WWOX: variants seen among roughly 807,000 people sequenced by gnomAD.
The protein encoded by WWOX is WW domain containing oxidoreductase.
WWOX carries 69 observed loss-of-function variants against 46.2 expected under a neutral mutation model. That is an observed-to-expected ratio of 1.49 (90% CI 1.23 to 1.82). WWOX has a LOEUF of 1.82. Ranked by LOEUF, WWOX falls within the 40% of genes most tolerant of loss-of-function variation. WWOX has a pLI of 0.00. For missense variants in WWOX, 919 were observed against 542.6 expected (o/e 1.69, Z -6.89); for synonymous variants, 359 against 202.6 (o/e 1.77, Z -6.56).
chr16:78,382,251 A>C (rs1461082396), intron 5 of WWOX, among the ~76,000 whole-genome samples: 1 of 152,186 alleles, frequency 6.6e-6, no homozygotes, highest in Non-Finnish European at 1.5e-5. Flanking sequence ...AGGCACAGCC[A>C]CATGACTTTG....
intron 8 of WWOX, among the ~76,000 whole-genome samples, chr16:78,643,882 T>G (rs958186450): frequency 4.6e-5 from 7 of 151,040 alleles, no homozygotes; most frequent in Non-Finnish European, 1.0e-4. Flanking sequence ...ATTAGTAACC[T>G]GCAGCTCCCT....
intron 8 of WWOX, among the ~76,000 whole-genome samples, chr16:78,605,591 C>A (rs2045737112): frequency 6.6e-6 from 1 of 152,132 alleles, no homozygotes; most frequent in African/African-American, 2.4e-5. Context: ...CCTGCCCTTT[C>A]TAGAGCAACC....
intron 8 of WWOX, among the ~76,000 whole-genome samples, chr16:78,683,227 G>A (rs1469832279): frequency 6.6e-6 from 1 of 152,006 alleles, no homozygotes; most frequent in African/African-American, 2.4e-5. Flanking sequence ...ATAGAGACAA[G>A]GAGGTGGGCG....
chr16:79,077,138 G>A (rs1019519674), intron 8 of WWOX, among the ~76,000 whole-genome samples: 3 of 152,152 alleles, frequency 2.0e-5, no homozygotes, highest in East Asian at 1.9e-4. Flanking sequence ...CCCTAAGCCC[G>A]TGCTTTGTAG....
At chr16:78,480,991 C>A (rs1355269735) in intron 8 of WWOX, among the ~76,000 whole-genome samples, 4 of 152,282 alleles carry the variant, frequency 2.6e-5, no homozygotes, top group Non-Finnish European at 4.4e-5. Flanking sequence ...TTCACCTACT[C>A]CTAATAAAAG....
At chr16:78,960,635 G>T (rs1359031124) in intron 8 of WWOX, among the ~76,000 whole-genome samples, 3 of 152,176 alleles carry the variant, frequency 2.0e-5, no homozygotes, top group Non-Finnish European at 2.9e-5. Context: ...CTACCTTCAA[G>T]GTTCTCACAG....
At chr16:79,002,896 C>A (rs1369582348) in intron 8 of WWOX, among the ~76,000 whole-genome samples, 4 of 152,202 alleles carry the variant, frequency 2.6e-5, no homozygotes, top group Non-Finnish European at 5.9e-5. Flanking sequence ...TCAAGGGAGA[C>A]TGCCTGTACT....
chr16:78,278,889 TTGTG>T (rs1035509428), intron 5 of WWOX, among the ~76,000 whole-genome samples: 3 of 152,070 alleles, frequency 2.0e-5, no homozygotes, highest in Admixed American at 1.3e-4. Context: ...GTGTGTGTGT[TTGTG>T]TGTGCGTGTA....
At chr16:78,527,885 G>A (rs1409039913) in intron 8 of WWOX, among the ~76,000 whole-genome samples, 1 of 151,664 alleles carries the variant, frequency 6.6e-6, no homozygotes, top group Non-Finnish European at 1.5e-5. Flanking sequence ...ATCCTGCAGT[G>A]CAAAGGACCA....
chr16:78,821,324 G>T (rs903956984), intron 8 of WWOX, among the ~76,000 whole-genome samples: 5 of 152,156 alleles, frequency 3.3e-5, no homozygotes, highest in African/African-American at 1.2e-4. Flanking sequence ...TGGAGGGTGG[G>T]TCGGAAGCCA....
intron 8 of WWOX, among the ~76,000 whole-genome samples, chr16:78,766,055 A>C (rs1233669040): frequency 6.6e-6 from 1 of 152,232 alleles, no homozygotes; most frequent in Non-Finnish European, 1.5e-5. Flanking sequence ...CACAGATGAC[A>C]TGAGCAGTTC....
chr16:78,724,376 A>G (rs751766784), intron 8 of WWOX, among the ~76,000 whole-genome samples: 22 of 151,944 alleles, frequency 1.4e-4, no homozygotes, highest in Non-Finnish European at 2.6e-4. Flanking sequence ...CTCCTAAAAT[A>G]TTTTTTTTCC....
intron 8 of WWOX, among the ~76,000 whole-genome samples, chr16:79,143,504 C>T (rs1165800935): frequency 6.6e-6 from 1 of 152,142 alleles, no homozygotes; most frequent in East Asian, 1.9e-4. Context: ...CTAGCTAGGA[C>T]AAACCATTTG....
intron 8 of WWOX, among the ~76,000 whole-genome samples, chr16:78,699,053 A>G (rs1248534981): frequency 6.6e-6 from 1 of 152,222 alleles, no homozygotes; most frequent in Admixed American, 6.5e-5. Flanking sequence ...TTTGCAGTTC[A>G]GATGGTGTGT....
chr16:78,510,507 C>T (rs536571841), intron 8 of WWOX, among the ~76,000 whole-genome samples: 24 of 152,216 alleles, frequency 1.6e-4, no homozygotes, highest in South Asian at 4.2e-4. Context: ...GCCACCGTGC[C>T]GGCCACTTTC....
intron 4 of WWOX, among the ~76,000 whole-genome samples, chr16:78,163,663 A>G (rs1047871906): frequency 1.4e-4 from 22 of 152,180 alleles, no homozygotes; most frequent in African/African-American, 5.3e-4. Context: ...TATTTTGTCC[A>G]TCTTTTCTAA....
chr16:79,132,387 G>C (rs2049898244), intron 8 of WWOX, among the ~76,000 whole-genome samples: 1 of 152,156 alleles, frequency 6.6e-6, no homozygotes, highest in South Asian at 2.1e-4. Context: ...TTTTCTCTTT[G>C]TCTAACGCTT....
chr16:78,424,630 C>A (rs1055082053), intron 6 of WWOX, among the ~76,000 whole-genome samples: 1 of 152,164 alleles, frequency 6.6e-6, no homozygotes, highest in Non-Finnish European at 1.5e-5. Context: ...TCCTAATAAG[C>A]CTCTCATCCT....
chr16:79,123,237 C>G (rs193090801), intron 8 of WWOX, among the ~76,000 whole-genome samples: 1 of 152,096 alleles, frequency 6.6e-6, no homozygotes. Flanking sequence ...TGGCAATTGC[C>G]TGACTCTGTC....
Sources: allele counts gnomAD v4.1 joint callset (sites outside exome capture counted in the v4.1 genomes callset), GRCh38; gene constraint gnomAD v4.1.1; transcripts MANE v1.5; gene names NCBI Gene and HGNC (gene_info 2026-07-23, HGNC 2026-07-21).